Variants in SLC25A23 observed in about 807,000 individuals in gnomAD.
SLC25A23 encodes mitochondrial adenyl nucleotide antiporter SLC25A23.
SLC25A23 carries 32 observed loss-of-function variants against 53.9 expected under a neutral mutation model. The observed-to-expected ratio is 0.59, with a 90% CI of 0.45 to 0.80. SLC25A23 has a LOEUF of 0.80. Among genes scored for constraint, SLC25A23 ranks in the 30% least tolerant of loss-of-function variants. SLC25A23 has a pLI of 0.00. For synonymous variants in SLC25A23, 275 were observed against 264.5 expected, an observed-to-expected ratio of 1.04 and a Z score of -0.38; for missense variants, 575 against 651.4, an observed-to-expected ratio of 0.88 and a Z score of 1.28.
rs1363460254 is a variant in SLC25A23, at chr19:6,458,305, T to A, written c.176A>T (p.Asp59Val). The change falls in exon 2 of 10, where the codon GAT becomes GTT. Residue 59 changes from aspartate to valine, a missense_variant. Coordinates refer to ENST00000301454, the MANE Select transcript of SLC25A23 (RefSeq NM_024103.3). ...GTCGAGCCCGCCATCTGGGTCAGCA[T>A]CACCCTCAGAGGAGATACCCTGACA... ...GAQQGISSEG[D>V]ADPDGGLDLE... 2.5e-6 allele frequency: 4 copies of A among 1,612,810 alleles called. No individual in the cohort carries two copies. The highest frequency in any genetic ancestry group is 2.7e-5 in the African/African-American group (2 of 74,880).
intron 4 of SLC25A23, among the ~76,000 whole-genome samples, chr19:6,455,741 G>A (rs536673537): frequency 8.1e-5 from 11 of 135,522 alleles, no homozygotes; most frequent in Middle Eastern, 4.0e-3. Flanking sequence ...TTTTTGAGAC[G>A]GAGTGTGGCT....
intron 2 of SLC25A23, 57 bp downstream of exon 2, chr19:6,458,141 T>C (rs1358809237): frequency 6.3e-7 from 1 of 1,593,936 alleles, no homozygotes; most frequent in African/African-American, 1.3e-5. Flanking sequence ...CACTGATGTC[T>C]CTAGGGCCCC....
rs756746350 is a variant in SLC25A23, at chr19:6,441,991, C to G, written c.1391G>C (p.Gly464Ala). The change falls in exon 10 of 10, where the codon GGG (glycine) becomes GCG (alanine). Residue 464 changes from glycine (G) to alanine (A), a missense_variant. Transcript: ENST00000301454. Reference sequence around the variant, plus strand: ...CCGGGTCCCTCACCTGGACGTGACCCCCAAGGCCTGCTTCATGTTCTCGTA... The same window carrying G: ...CCGGGTCCCTCACCTGGACGTGACCGCCAAGGCCTGCTTCATGTTCTCGTA... ...VVYENMKQAL[G>A]VTSR The G allele has an allele frequency of 6.2e-7, 1 of 1,613,620 alleles. No homozygotes were observed. The highest frequency in any genetic ancestry group is 2.2e-5 in the East Asian group (1 of 44,886).
downstream of SLC25A23, chr19:6,438,801 A>G: frequency 3.0e-6 from 1 of 334,830 alleles, no homozygotes; most frequent in Non-Finnish European, 6.4e-6. Flanking sequence ...GTGATCTGAA[A>G]TCGAGCCACT....
chr19:6,450,229 C>T (rs77262233), intron 8 of SLC25A23, among the ~76,000 whole-genome samples: 1 of 151,912 alleles, frequency 6.6e-6, no homozygotes, highest in African/African-American at 2.4e-5. Context: ...CAGTCCCCCC[C>T]AGACACCTAA....
At chr19:6,444,924 C>T (rs2092480759) in intron 8 of SLC25A23, among the ~76,000 whole-genome samples, 1 of 152,158 alleles carries the variant, frequency 6.6e-6, no homozygotes, top group Admixed American at 6.5e-5. Context: ...GCCTCAGCCT[C>T]TCAAAGTGCT....
intron 9 of SLC25A23, among the ~76,000 whole-genome samples, chr19:6,443,178 A>T (rs1433881382): frequency 6.6e-6 from 1 of 151,944 alleles, no homozygotes; most frequent in East Asian, 1.9e-4. Context: ...ACCTCAGGTG[A>T]TCCACCCACC....
intron 9 of SLC25A23, among the ~76,000 whole-genome samples, chr19:6,442,697 C>T (rs1486244715): frequency 1.3e-5 from 2 of 152,030 alleles, no homozygotes; most frequent in African/African-American, 4.8e-5. Flanking sequence ...TACAGGCATG[C>T]GCCACCTTGC....
intron 8 of SLC25A23, among the ~76,000 whole-genome samples, chr19:6,446,707 T>A (rs1182866818): frequency 6.6e-6 from 1 of 152,208 alleles, no homozygotes; most frequent in Non-Finnish European, 1.5e-5. Context: ...TTGCTAGGAA[T>A]AGTAACTTGC....
At position 6,442,171 on chromosome 19, in the gene SLC25A23, CGGG is replaced by C; in HGVS notation, c.1223-15_1223-13del. ...ACCCTCGATGGAGGCTGGGAGGGGG[CGGG>C]GGGGGCACCAGGTAAGGCCAACGTT... On this transcript the variant is annotated splice_polypyrimidine_tract_variant and intron_variant, in intron 9 of 9. Transcript: ENST00000301454. 1 of 597,866 alleles carries C rather than the reference CGGG, an allele frequency of 1.7e-6. No homozygotes were observed. Among genetic ancestry groups the C allele is most frequent in the Non-Finnish European group, 2.6e-6 (1 of 384,746 alleles). 37.0% of individuals were successfully genotyped at this position (597,866 alleles called of 1,614,324 possible). A position where few individuals can be genotyped will look rare whatever the true frequency, so the allele number is the denominator to read the frequency against.
In SLC25A23 at chr19:6,454,623, G is replaced by A. The variant is rs777706742; in HGVS notation, c.578C>T (p.Ala193Val). ...GMWWKQLVAGAVAGAVSRTGT... is the reference protein window; with the variant it reads ...GMWWKQLVAGVVAGAVSRTGT... ...TGTCCGTGACACGGCACCTGCCACT[G>A]CGCCGGCCACCAGCTGTTTCCACCA... is the stretch of plus-strand genomic sequence containing the variant. The change falls in exon 5 of 10, where the codon GCA (alanine) becomes GTA (valine). Residue 193 changes from alanine to valine, a missense_variant. By Grantham distance (64) the Ala-to-Val change is moderately conservative. Coordinates refer to ENST00000301454, the MANE Select transcript of SLC25A23 (RefSeq NM_024103.3). The surrounding 1 kb of genome is among the most constrained non-coding windows in gnomAD (Gnocchi z 4.3). 9 of 1,613,998 alleles carry A rather than the reference G, an allele frequency of 5.6e-6. No homozygotes were observed. The highest frequency in any genetic ancestry group is 7.6e-6 in the Non-Finnish European group (9 of 1,180,036).
At chr19:6,457,176 GT>G (rs1372570894) in intron 3 of SLC25A23, among the ~76,000 whole-genome samples, 2 of 148,672 alleles carry the variant, frequency 1.3e-5, no homozygotes, top group Non-Finnish European at 3.0e-5. Context: ...AGGGATTCCC[GT>G]GCCTCAGCCT....
rs754143737 is a variant in SLC25A23 at position 6,452,494 on chromosome 19, G to GT, written c.904-16dup. 1 of 1,588,050 alleles carries GT rather than the reference G, an allele frequency of 6.3e-7. No individual in the cohort carries two copies. Among genetic ancestry groups the GT allele is most frequent in the South Asian group, 1.1e-5 (1 of 89,126 alleles). ...GTCTTCAGCACCTGGGGAGAACCTG[G>GT]TTATCCCTGGAAAAGCTGTCCCACC... On this transcript the variant is annotated splice_polypyrimidine_tract_variant and intron_variant, in intron 7 of 9. Transcript: ENST00000301454.
In SLC25A23 at chr19:6,454,853, G is replaced by C. The variant is rs1322980798; in HGVS notation, c.484-136C>G. Reference sequence around the variant, plus strand: ...CAATGACTCTTGCTTGGAGACCCCAGAAGAGTCCTGTTGGGTCCTACCAGG... The same window carrying C: ...CAATGACTCTTGCTTGGAGACCCCACAAGAGTCCTGTTGGGTCCTACCAGG... On this transcript the variant is annotated intron_variant, in intron 4 of 9. Coordinates refer to ENST00000301454, the MANE Select transcript of SLC25A23 (RefSeq NM_024103.3). This position sits in a 1 kb window ranked among gnomAD's most constrained non-coding sequence, Gnocchi z 4.3. 9.7e-7 allele frequency: 1 copy of C among 1,035,508 alleles called. No individual in the cohort carries two copies. The highest frequency in any genetic ancestry group is 1.4e-6 in the Non-Finnish European group (1 of 720,396). 64.1% of individuals were successfully genotyped at this position (1,035,508 alleles called of 1,614,324 possible).
rs765872448 is a variant in SLC25A23, at chr19:6,459,596, C to T, written c.33G>A (p.Arg11=). Reference sequence around the variant, plus strand: ...CCTCGAACAGGCGACCCCAGCGCTGCCGCCGCTCCGCGTCGCCCGGGCTCC... The same window carrying T: ...CCTCGAACAGGCGACCCCAGCGCTGTCGCCGCTCCGCGTCGCCCGGGCTCC... MRGSPGDAER[R]QRWGRLFEEL... The change falls in exon 1 of 10, where the codon CGG becomes CGA. Residue 11 remains arginine (R), a synonymous_variant. Transcript: ENST00000301454. The surrounding 1 kb of genome is among the most constrained non-coding windows in gnomAD (Gnocchi z 4.6). 183 of 1,535,374 alleles carry T rather than the reference C, an allele frequency of 1.2e-4. 2 individuals carry two copies. In the East Asian group the frequency reaches 4.7e-3, roughly 39 times the overall value.
rs1453848159 is a variant in SLC25A23, at chr19:6,452,301, T to A, written c.1071+11A>T. ...GGGGAGCAGGGAAAGAGGAACGCGCTGCCCACAGACCTCGTAGACGGCCAG... is the reference window on the plus strand; with the variant it reads ...GGGGAGCAGGGAAAGAGGAACGCGCAGCCCACAGACCTCGTAGACGGCCAG... On this transcript the variant is annotated intron_variant, in intron 8 of 9. Transcript: ENST00000301454. The A allele has an allele frequency of 1.2e-6, 2 of 1,605,580 alleles. No individual in the cohort carries two copies. The highest frequency in any genetic ancestry group is 2.2e-5 in the South Asian group (2 of 89,606).
At position 6,459,720 on chromosome 19, in the gene SLC25A23, C is replaced by G. The variant is rs1438764663; in HGVS notation, c.-92G>C. The G allele has an allele frequency of 9.0e-7, 1 of 1,110,002 alleles. No homozygotes were observed. Among genetic ancestry groups the G allele is most frequent in the Non-Finnish European group, 1.1e-6 (1 of 883,964 alleles). 68.8% of individuals were successfully genotyped at this position (1,110,002 alleles called of 1,614,324 possible). Reference sequence around the variant, plus strand: ...CTCCCCCCCCGGGACCCCGCAGGGTCAGCTCCCGCGGCCGCCGGCTCCGCA... The same window carrying G: ...CTCCCCCCCCGGGACCCCGCAGGGTGAGCTCCCGCGGCCGCCGGCTCCGCA... On this transcript the variant is annotated 5_prime_UTR_variant, in exon 1 of 10. Transcript: ENST00000301454. The surrounding 1 kb of genome is among the most constrained non-coding windows in gnomAD (Gnocchi z 4.6).
chr19:6,456,182 G>T, intron 4 of SLC25A23: 1 of 1,302,578 alleles, frequency 7.7e-7, no homozygotes, highest in African/African-American at 1.5e-5. Context: ...GTCCCCAGAG[G>T]CCCCGATGTA....
At chr19:6,450,909 G>A (rs549908065) in intron 8 of SLC25A23, among the ~76,000 whole-genome samples, 11 of 150,718 alleles carry the variant, frequency 7.3e-5, no homozygotes, top group South Asian at 4.2e-4. Context: ...GTGAAACCCT[G>A]TCTACTAAAC....
Sources: allele counts gnomAD v4.1 joint callset (sites outside exome capture counted in the v4.1 genomes callset), GRCh38; gene constraint gnomAD v4.1.1; non-coding constraint Gnocchi (gnomAD v3.1); transcripts MANE v1.5; gene names NCBI Gene and HGNC (gene_info 2026-07-23, HGNC 2026-07-21).